Variants in LSAMP observed in about 807,000 individuals in gnomAD.
LSAMP encodes the protein limbic system-associated membrane protein.
In LSAMP, 7 loss-of-function variants were observed where a neutral mutation model predicts 38.6. That is an observed-to-expected ratio of 0.18 (90% CI 0.10 to 0.34). The LOEUF (loss-of-function observed/expected upper bound fraction) is 0.34. Among genes scored for constraint, LSAMP ranks in the 10% least tolerant of loss-of-function variants. The pLI is 1.00. For missense variants in LSAMP, 313 were observed against 420.0 expected, an observed-to-expected ratio of 0.75 and a Z score of 2.23; for synonymous variants, 154 against 166.8, an observed-to-expected ratio of 0.92 and a Z score of 0.59.
intron 3 of LSAMP, among the ~76,000 whole-genome samples, chr3:115,968,762 G>A (rs1296696509): frequency 6.6e-6 from 1 of 152,140 alleles, no homozygotes; most frequent in Non-Finnish European, 1.5e-5. Flanking sequence ...CACAGCACCA[G>A]GACTTGCCAG....
At chr3:115,816,908 T>C (rs535645648) in intron 6 of LSAMP, among the ~76,000 whole-genome samples, 5 of 152,340 alleles carry the variant, frequency 3.3e-5, no homozygotes, top group South Asian at 2.1e-4. Flanking sequence ...ATTGTATGCA[T>C]GTAGACAAGT....
At chr3:116,195,720 A>AAAG (rs200233941) in intron 1 of LSAMP, among the ~76,000 whole-genome samples, 4 of 141,690 alleles carry the variant, frequency 2.8e-5, no homozygotes, top group South Asian at 2.3e-4. Flanking sequence ...AAAAAAATGA[A>AAAG]AAAAAAAAAA....
chr3:115,889,348 A>G (rs898250963), intron 3 of LSAMP, among the ~76,000 whole-genome samples: 3 of 151,932 alleles, frequency 2.0e-5, no homozygotes, highest in Admixed American at 6.6e-5. Flanking sequence ...CTATGAACTC[A>G]TAAGAATGGG....
intron 1 of LSAMP, among the ~76,000 whole-genome samples, chr3:116,316,105 T>C (rs1435891782): frequency 6.6e-6 from 1 of 152,204 alleles, no homozygotes; most frequent in Non-Finnish European, 1.5e-5. Context: ...ACAATTCCTG[T>C]AGTGGGACCT....
chr3:115,969,303 G>A (rs1576268587), intron 3 of LSAMP, among the ~76,000 whole-genome samples: 1 of 152,182 alleles, frequency 6.6e-6, no homozygotes, highest in Non-Finnish European at 1.5e-5. Flanking sequence ...TCTTTTGAAT[G>A]TACGAATAAT....
intron 1 of LSAMP, among the ~76,000 whole-genome samples, chr3:116,208,614 CT>C (rs2046103907): frequency 6.6e-6 from 1 of 152,168 alleles, no homozygotes; most frequent in African/African-American, 2.4e-5. Context: ...AGTTTTCCTT[CT>C]AACGGACAGG....
chr3:116,133,433 G>C (rs527691589), intron 1 of LSAMP, among the ~76,000 whole-genome samples: 4 of 152,148 alleles, frequency 2.6e-5, no homozygotes, highest in Admixed American at 2.6e-4. Context: ...AGGACCACAA[G>C]TGTGTGGCAC....
At chr3:115,942,562 A>G (rs1937958791) in intron 3 of LSAMP, among the ~76,000 whole-genome samples, 1 of 152,206 alleles carries the variant, frequency 6.6e-6, no homozygotes, top group Non-Finnish European at 1.5e-5. Flanking sequence ...TGCAATGTTT[A>G]TAGTTTCATT....
chr3:116,011,523 A>G (rs865925212), intron 3 of LSAMP, among the ~76,000 whole-genome samples: 36 of 152,018 alleles, frequency 2.4e-4, no homozygotes, highest in Non-Finnish European at 2.8e-4. Context: ...CATGTTAAGT[A>G]GTTTGAACTT....
chr3:115,933,524 G>A (rs1209333187), intron 3 of LSAMP, among the ~76,000 whole-genome samples: 1 of 152,094 alleles, frequency 6.6e-6, no homozygotes, highest in African/African-American at 2.4e-5. Context: ...AAGTTCTATT[G>A]GCCATGTTGA....
chr3:116,250,811 G>A (rs1175586752), intron 1 of LSAMP, among the ~76,000 whole-genome samples: 1 of 152,194 alleles, frequency 6.6e-6, no homozygotes, highest in Non-Finnish European at 1.5e-5. Flanking sequence ...GGAGGCTGCA[G>A]TAAGCAGAGA....
chr3:116,426,453 C>T (rs1338517069), intron 1 of LSAMP, among the ~76,000 whole-genome samples: 1 of 85,818 alleles, frequency 1.2e-5, no homozygotes, highest in East Asian at 3.4e-4. Flanking sequence ...AAAGGCGAAA[C>T]TCCGTCTCAA....
chr3:116,014,327 C>T (rs902971985), intron 3 of LSAMP, among the ~76,000 whole-genome samples: 2 of 151,964 alleles, frequency 1.3e-5, no homozygotes, highest in Admixed American at 1.3e-4. Flanking sequence ...TAATTCTTGC[C>T]AAATGAACAA....
chr3:115,952,946 A>G (rs1030819680), intron 3 of LSAMP, among the ~76,000 whole-genome samples: 3 of 152,248 alleles, frequency 2.0e-5, no homozygotes, highest in Non-Finnish European at 4.4e-5. Context: ...TTATTATTTC[A>G]TTTAACCTTG....
chr3:116,267,553 GA>G (rs1189960712), intron 1 of LSAMP, among the ~76,000 whole-genome samples: 1 of 149,394 alleles, frequency 6.7e-6, no homozygotes, highest in African/African-American at 2.5e-5. Flanking sequence ...TTGCCAAGGG[GA>G]GAAGACAGTA....
At chr3:116,280,724 CCTT>C (rs1257645875) in intron 1 of LSAMP, among the ~76,000 whole-genome samples, 1 of 152,202 alleles carries the variant, frequency 6.6e-6, no homozygotes, top group Non-Finnish European at 1.5e-5. Context: ...AGGGGCTTCT[CCTT>C]CTTTCCAACA....
intron 2 of LSAMP, among the ~76,000 whole-genome samples, chr3:116,043,939 C>T (rs1442999849): frequency 2.6e-5 from 4 of 152,216 alleles, no homozygotes; most frequent in African/African-American, 9.6e-5. Flanking sequence ...GAGCGAGACT[C>T]CGTCTCAAAA....
rs888915845 is a variant in LSAMP, at chr3:116,108,818, C to T, written c.156-22262G>A. On this transcript the variant is annotated intron_variant, in intron 1 of 6. Coordinates refer to ENST00000490035, the MANE Select transcript of LSAMP (RefSeq NM_002338.5). Reference sequence around the variant, plus strand: ...AGGAGGTTCTGGAGGAACGCCTGGCCGCTGCGGTTCAGGCATTTGGAAGTT... The same window carrying T: ...AGGAGGTTCTGGAGGAACGCCTGGCTGCTGCGGTTCAGGCATTTGGAAGTT... Among the ~76,000 whole-genome samples, 5 of 152,134 alleles carry T rather than the reference C, an allele frequency of 3.3e-5. No homozygotes were observed. In the East Asian group the frequency reaches 5.8e-4, roughly 18 times the overall value.
At chr3:116,097,637 T>C (rs2107444210) in intron 1 of LSAMP, among the ~76,000 whole-genome samples, 1 of 152,292 alleles carries the variant, frequency 6.6e-6, no homozygotes, top group East Asian at 1.9e-4. Context: ...AGGACTACCA[T>C]TAGAAAATGG....
Sources: allele counts gnomAD v4.1 joint callset (sites outside exome capture counted in the v4.1 genomes callset), GRCh38; gene constraint gnomAD v4.1.1; transcripts MANE v1.5; gene names NCBI Gene and HGNC (gene_info 2026-07-23, HGNC 2026-07-21).